TBX4: variants seen among roughly 807,000 people sequenced by gnomAD.
TBX4 encodes the protein T-box transcription factor 4.
TBX4 carries 13 observed loss-of-function variants against 54.6 expected under a neutral mutation model. The ratio of observed to expected loss-of-function variants is 0.24; its 90% CI spans 0.15 to 0.38. The LOEUF (loss-of-function observed/expected upper bound fraction) is 0.38, where lower values mean the gene tolerates loss of function less well. Among genes scored for constraint, TBX4 ranks in the 10% least tolerant of loss-of-function variants. TBX4 has a pLI of 1.00. For synonymous variants in TBX4, 314 were observed against 306.7 expected (o/e 1.02, Z -0.25); for missense variants, 631 against 728.5 (o/e 0.87, Z 1.54).
rs1421948003 is a variant in TBX4, at chr17:61,457,140, C to CCG, written c.187-395_187-394dup. Among the ~76,000 whole-genome samples the CCG allele has an allele frequency of 2.0e-5, 3 of 152,190 alleles. No homozygotes were observed. Among genetic ancestry groups the CCG allele is most frequent in the African/African-American group, 7.2e-5 (3 of 41,470 alleles). ...TCGGACGATCACAGCGCACGGGATG[C>CCG]CGCCTGGGGATCTGTGTGCACTATC... is the stretch of plus-strand genomic sequence containing the variant. On this transcript the variant is annotated intron_variant, in intron 2 of 8. Coordinates refer to ENST00000644296, the MANE Select transcript of TBX4 (RefSeq NM_001321120.2). The surrounding 1 kb of genome is among the most constrained non-coding windows in gnomAD (Gnocchi z 8.2).
rs1011609982 is a variant in TBX4 at position 61,484,802 on chromosome 17, T to A, written c.*1286T>A. 1 of 148,480 alleles carries A rather than the reference T, an allele frequency of 6.7e-6. No homozygotes were observed. The highest frequency in any genetic ancestry group is 1.5e-5 in the Non-Finnish European group (1 of 67,258). The allele number at this position is 148,480 out of a possible 1,614,324, so 9.2% of individuals were successfully genotyped here. ...CTCTCTCACAAATGCAGGCCACATG[T>A]CAAATTCAGCTTTGCTTTCTACAAA... On this transcript the variant is annotated 3_prime_UTR_variant, in exon 9 of 9. Transcript: ENST00000644296. The surrounding 1 kb of genome is among the most constrained non-coding windows in gnomAD (Gnocchi z 4.1).
In TBX4 at chr17:61,474,928, C is replaced by T. The variant is rs770164100; in HGVS notation, c.550-3699C>T. Among the ~76,000 whole-genome samples the T allele has an allele frequency of 7.2e-5, 11 of 152,190 alleles. No individual in the cohort carries two copies. In the East Asian group the frequency reaches 1.2e-3, roughly 16 times the overall value. ...GATACCTGTCCAGGTTCTAGACTGTCGGAGTCAGAAGGGGTGTTTGGGACC... is the reference window on the plus strand; with the variant it reads ...GATACCTGTCCAGGTTCTAGACTGTTGGAGTCAGAAGGGGTGTTTGGGACC... On this transcript the variant is annotated intron_variant, in intron 5 of 8. Transcript: ENST00000644296. The surrounding 1 kb of genome is among the most constrained non-coding windows in gnomAD (Gnocchi z 4.6).
intron 3 of TBX4, among the ~76,000 whole-genome samples, chr17:61,458,322 G>A (rs140643003): frequency 6.7e-6 from 1 of 149,072 alleles, no homozygotes; most frequent in Non-Finnish European, 1.5e-5. Context: ...TGAGAGATTC[G>A]CTGGGGCTGG....
At chr17:61,468,205 A>G (rs1225386936) in intron 5 of TBX4, among the ~76,000 whole-genome samples, 3 of 152,202 alleles carry the variant, frequency 2.0e-5, no homozygotes, top group Non-Finnish European at 4.4e-5. Flanking sequence ...TCTGGCTCAC[A>G]TGTTAGCTCC....
Position 61,465,569 on chromosome 17 carries a change from T to A in TBX4, c.282-250T>A. On this transcript the variant is annotated intron_variant, in intron 3 of 8. Transcript: ENST00000644296. The surrounding 1 kb of genome is among the most constrained non-coding windows in gnomAD (Gnocchi z 4.9). The stretch of plus-strand genomic sequence containing the variant: ...GGGGATAAGTGAATTTGGGAAATGG[T>A]GTAAACTCTCCTCCTAGACACAGAC... 6.6e-6 allele frequency among the ~76,000 whole-genome samples: 1 copy of A among 152,286 alleles called. No homozygotes were observed. Among genetic ancestry groups the A allele is most frequent in the Non-Finnish European group, 1.5e-5 (1 of 68,024 alleles).
rs909302214 is a variant in TBX4, at chr17:61,475,008, A to G, written c.550-3619A>G. The stretch of plus-strand genomic sequence containing the variant: ...GGGACCCCAATGGTTGGAGAAGGAG[A>G]AGAGCTTGCTCAGGACTTGACGCTG... On this transcript the variant is annotated intron_variant, in intron 5 of 8. Coordinates refer to ENST00000644296, the MANE Select transcript of TBX4 (RefSeq NM_001321120.2). The surrounding 1 kb of genome is among the most constrained non-coding windows in gnomAD (Gnocchi z 5.0). Among the ~76,000 whole-genome samples the G allele has an allele frequency of 2.0e-5, 3 of 152,220 alleles. No homozygotes were observed. Among genetic ancestry groups the G allele is most frequent in the African/African-American group, 7.2e-5 (3 of 41,444 alleles).
Position 61,461,864 on chromosome 17 carries a change from G to C in TBX4, c.282-3955G>C, listed in dbSNP as rs920411704. Among the ~76,000 whole-genome samples the C allele has an allele frequency of 6.6e-6, 1 of 152,164 alleles. No individual in the cohort carries two copies. Among genetic ancestry groups the C allele is most frequent in the African/African-American group, 2.4e-5 (1 of 41,522 alleles). ...TGTAGCTGTTCCTGGAGTCCCCAGG[G>C]ACCTCCGAGAAAGTCGGGGCTGCAG... On this transcript the variant is annotated intron_variant, in intron 3 of 8. Transcript: ENST00000644296. This position sits in a 1 kb window ranked among gnomAD's most constrained non-coding sequence, Gnocchi z 5.1.
rs1378584643 is a variant in TBX4, at chr17:61,457,235, G to A, written c.187-302G>A. On this transcript the variant is annotated intron_variant, in intron 2 of 8. Transcript: ENST00000644296. The surrounding 1 kb of genome is among the most constrained non-coding windows in gnomAD (Gnocchi z 8.2). ...TGTGTCTGCCCCGGGAGCCTGTGGC[G>A]ATGGCCCGCCACAGAAATGTTCATG... Among the ~76,000 whole-genome samples, 5 of 152,108 alleles carry A rather than the reference G, an allele frequency of 3.3e-5. No individual in the cohort carries two copies. The East Asian group carries it at 9.7e-4, about 29-fold the overall frequency.
chr17:61,483,519 C>T lies in TBX4; in HGVS notation c.*3C>T. The T allele has an allele frequency of 6.2e-7, 1 of 1,614,096 alleles. No homozygotes were observed. Among genetic ancestry groups the T allele is most frequent in the South Asian group, 1.1e-5 (1 of 91,032 alleles). ...TGGAGAACTGGACTGACGGATGACT[C>T]TCACGTCTCCTCCATAGCCCCGGGA... On this transcript the variant is annotated 3_prime_UTR_variant, in exon 9 of 9. Coordinates refer to ENST00000644296, the MANE Select transcript of TBX4 (RefSeq NM_001321120.2). The surrounding 1 kb of genome is among the most constrained non-coding windows in gnomAD (Gnocchi z 6.6).
chr17:61,481,117 A>G lies in TBX4; in HGVS notation c.1021+798A>G, dbSNP rs996905247. 6.6e-6 allele frequency among the ~76,000 whole-genome samples: 1 copy of G among 152,198 alleles called. No homozygotes were observed. The highest frequency in any genetic ancestry group is 2.4e-5 in the African/African-American group (1 of 41,452). ...CTCCGAGATCCCCTGTACAAGTCTC[A>G]TTAGAACTCAATGACCTAGAGCACG... On this transcript the variant is annotated intron_variant, in intron 8 of 8. Coordinates refer to ENST00000644296, the MANE Select transcript of TBX4 (RefSeq NM_001321120.2). The surrounding 1 kb of genome is among the most constrained non-coding windows in gnomAD (Gnocchi z 4.8).
rs2060500163 is a variant in TBX4 at position 61,462,287 on chromosome 17, G to GGGCC, written c.282-3528_282-3525dup. On this transcript the variant is annotated intron_variant, in intron 3 of 8. Coordinates refer to ENST00000644296, the MANE Select transcript of TBX4 (RefSeq NM_001321120.2). The surrounding 1 kb of genome is among the most constrained non-coding windows in gnomAD (Gnocchi z 4.5). Reference sequence around the variant, plus strand: ...AAGCCCCGGGCTTTCATCTCCTCCCGGGCCGGCGAGCAGGCGGCTTGTTTA... The same window carrying GGGCC: ...AAGCCCCGGGCTTTCATCTCCTCCCGGGCCGGCCGGCGAGCAGGCGGCTTGTTTA... Among the ~76,000 whole-genome samples, 1 of 152,178 alleles carries GGGCC rather than the reference G, an allele frequency of 6.6e-6. No individual in the cohort carries two copies. Among genetic ancestry groups the GGGCC allele is most frequent in the Non-Finnish European group, 1.5e-5 (1 of 68,054 alleles).
At chr17:61,467,076 T>A (rs915343274) in intron 4 of TBX4, among the ~76,000 whole-genome samples, 1 of 152,120 alleles carries the variant, frequency 6.6e-6, no homozygotes, top group African/African-American at 2.4e-5. Context: ...GAAGGATTGC[T>A]TGAGCCCAGG....
At position 61,480,819 on chromosome 17, in the gene TBX4, A is replaced by G. The variant is rs1257250284; in HGVS notation, c.1021+500A>G. The stretch of plus-strand genomic sequence containing the variant: ...GGCTGCTTGAGAGTTGAGATGAGCT[A>G]TTGTGGATGTAGGTGGGGGCTGGGA... On this transcript the variant is annotated intron_variant, in intron 8 of 8. Coordinates refer to ENST00000644296, the MANE Select transcript of TBX4 (RefSeq NM_001321120.2). The surrounding 1 kb of genome is among the most constrained non-coding windows in gnomAD (Gnocchi z 6.2). Among the ~76,000 whole-genome samples the G allele has an allele frequency of 3.9e-5, 6 of 152,076 alleles. No homozygotes were observed. Among genetic ancestry groups the G allele is most frequent in the Non-Finnish European group, 7.4e-5 (5 of 68,008 alleles).
At chr17:61,471,459 C>T (rs558739024) in intron 5 of TBX4, among the ~76,000 whole-genome samples, 5 of 152,080 alleles carry the variant, frequency 3.3e-5, no homozygotes, top group Admixed American at 1.3e-4. Flanking sequence ...GTCTACAATA[C>T]GACATCTCTC....
Position 61,464,283 on chromosome 17 carries a change from G to A in TBX4, c.282-1536G>A, listed in dbSNP as rs2060519856. ...TCTCCTCCAGCAAGAGAGGGGCACA[G>A]GCGGGGCTGGGTGGGGCGTGGGCTG... On this transcript the variant is annotated intron_variant, in intron 3 of 8. Transcript: ENST00000644296. The surrounding 1 kb of genome is among the most constrained non-coding windows in gnomAD (Gnocchi z 5.8). The A allele has an allele frequency of 6.6e-6, 1 of 152,462 alleles. No homozygotes were observed. Among genetic ancestry groups the A allele is most frequent in the South Asian group, 2.1e-4 (1 of 4,832 alleles). The allele number at this position is 152,462 out of a possible 1,614,324, so 9.4% of individuals were successfully genotyped here.
Position 61,465,986 on chromosome 17 carries a change from T to G in TBX4, c.401+48T>G, listed in dbSNP as rs1388224499. ...ACCCACGTTCCCTCAACTGCCCACT[T>G]GCCACGCCCCCACCTAGTGTTTTGT... On this transcript the variant is annotated intron_variant, in intron 4 of 8. Coordinates refer to ENST00000644296, the MANE Select transcript of TBX4 (RefSeq NM_001321120.2). The surrounding 1 kb of genome is among the most constrained non-coding windows in gnomAD (Gnocchi z 4.9). 1 of 1,610,968 alleles carries G rather than the reference T, an allele frequency of 6.2e-7. No individual in the cohort carries two copies. The highest frequency in any genetic ancestry group is 8.5e-7 in the Non-Finnish European group (1 of 1,177,964).
At position 61,466,366 on chromosome 17, in the gene TBX4, G is replaced by A. The variant is rs16945295; in HGVS notation, c.401+428G>A. On this transcript the variant is annotated intron_variant, in intron 4 of 8. Coordinates refer to ENST00000644296, the MANE Select transcript of TBX4 (RefSeq NM_001321120.2). ...CATTACCTGCTGTGTGGGGGCACTC[G>A]CCTGTTTCTCCATGTTCTCCTTGGC... Among the ~76,000 whole-genome samples, 151 of 152,204 alleles carry A rather than the reference G, an allele frequency of 9.9e-4. 6 individuals are homozygous for A. In the South Asian group the frequency reaches 0.028, roughly 28 times the overall value.
chr17:61,456,445 G>C (rs1340070162), intron 1 of TBX4, 43 bp from the exon 2 acceptor site: 1 of 1,546,806 alleles, frequency 6.5e-7, no homozygotes. Flanking sequence ...CCTCTGGCGA[G>C]TGTGGACCTG....
At chr17:61,454,717 C>T (rs983284763) in intron 1 of TBX4, among the ~76,000 whole-genome samples, 7 of 152,218 alleles carry the variant, frequency 4.6e-5, no homozygotes, top group Non-Finnish European at 1.0e-4. Context: ...ACCAGCTCCT[C>T]ACAGGGCAGG....
Sources: gnomAD v4.1 joint callset for allele counts (sites outside exome capture counted in the v4.1 genomes callset) on GRCh38, gnomAD v4.1.1 for gene constraint, Gnocchi (gnomAD v3.1) non-coding constraint, MANE v1.5 for transcripts, NCBI Gene and HGNC (gene_info 2026-07-23, HGNC 2026-07-21) for gene names.